The following GALNTL6 variants were observed in gnomAD, a reference collection of about 807,000 sequenced individuals.
GALNTL6 encodes the protein polypeptide N-acetylgalactosaminyltransferase like 6.
Under a neutral mutation model 73.7 loss-of-function variants are expected in GALNTL6, and 46 were observed. That is an observed-to-expected ratio of 0.62 (90% CI 0.49 to 0.80). GALNTL6 has a LOEUF of 0.80. GALNTL6 is among the 30% of genes least tolerant of loss of function. The probability of loss-of-function intolerance (pLI) is 0.00; values close to 1 mark genes in which losing one functional copy is unlikely to be tolerated. For missense variants in GALNTL6, 604 were observed against 755.0 expected (o/e 0.80, Z 2.34); for synonymous variants, 259 against 263.7 (o/e 0.98, Z 0.17).
intron 5 of GALNTL6, among the ~76,000 whole-genome samples, chr4:172,479,157 T>C (rs1733348119): frequency 6.6e-6 from 1 of 152,174 alleles, no homozygotes; most frequent in South Asian, 2.1e-4. Context: ...GGAATCCCAC[T>C]ACTAAGTATC....
chr4:171,921,275 T>A (rs538489011), intron 2 of GALNTL6, among the ~76,000 whole-genome samples: 1 of 152,128 alleles, frequency 6.6e-6, no homozygotes, highest in Non-Finnish European at 1.5e-5. Context: ...TTACTGACTA[T>A]GTGTCGACCA....
intron 5 of GALNTL6, among the ~76,000 whole-genome samples, chr4:172,558,365 A>G (rs759493635): frequency 1.3e-5 from 2 of 152,222 alleles, no homozygotes; most frequent in Non-Finnish European, 2.9e-5. Flanking sequence ...TCTAAACCCC[A>G]CTGTGACTAT....
At chr4:172,668,490 T>C (rs985640812) in intron 5 of GALNTL6, 3 of 152,160 alleles carry the variant, frequency 2.0e-5, no homozygotes, top group Non-Finnish European at 4.4e-5. Flanking sequence ...AGAGGTTTAA[T>C]TTAAAAGCTG....
intron 7 of GALNTL6, among the ~76,000 whole-genome samples, chr4:172,881,968 T>C (rs1745476510): frequency 6.6e-6 from 1 of 151,640 alleles, no homozygotes; most frequent in South Asian, 2.1e-4. Context: ...TGAGGATCGA[T>C]CAAGGTAATT....
At chr4:172,214,377 T>A (rs1343077831) in intron 2 of GALNTL6, among the ~76,000 whole-genome samples, 1 of 152,182 alleles carries the variant, frequency 6.6e-6, no homozygotes, top group East Asian at 1.9e-4. Context: ...CTCTATTTTT[T>A]TTTCTTGGAT....
chr4:172,921,438 A>G (rs1747784114), intron 8 of GALNTL6, among the ~76,000 whole-genome samples: 1 of 152,182 alleles, frequency 6.6e-6, no homozygotes, highest in South Asian at 2.1e-4. Flanking sequence ...GATATAGAAA[A>G]TTGTTTTAAA....
intron 9 of GALNTL6, among the ~76,000 whole-genome samples, chr4:172,944,884 C>T (rs1157229846): frequency 1.3e-5 from 2 of 151,580 alleles, no homozygotes; most frequent in Non-Finnish European, 2.9e-5. Context: ...GGTGAAACCC[C>T]GTCTCTACTA....
At chr4:172,814,855 G>A (rs557233506) in intron 7 of GALNTL6, among the ~76,000 whole-genome samples, 2 of 152,218 alleles carry the variant, frequency 1.3e-5, no homozygotes, top group South Asian at 2.1e-4. Context: ...GAGAGAAGTC[G>A]TTTCTTTTGT....
At chr4:172,618,505 G>C (rs76308808) in intron 5 of GALNTL6, among the ~76,000 whole-genome samples, 1 of 152,108 alleles carries the variant, frequency 6.6e-6, no homozygotes, top group African/African-American at 2.4e-5. Flanking sequence ...ATTTAGTAAA[G>C]AGAGAAATTC....
At chr4:172,927,881 C>T (rs1432745872) in intron 8 of GALNTL6, among the ~76,000 whole-genome samples, 1 of 151,998 alleles carries the variant, frequency 6.6e-6, no homozygotes, top group East Asian at 1.9e-4. Flanking sequence ...CATAAGCCCA[C>T]CCTAATTCAA....
intron 5 of GALNTL6, among the ~76,000 whole-genome samples, chr4:172,357,634 T>TACAC (rs5864129): frequency 0.016 from 2,309 of 145,794 alleles, 71 homozygotes; most frequent in African/African-American, 0.047. Flanking sequence ...TATAGATATA[T>TACAC]ACACACACAC....
At chr4:172,563,760 G>A (rs988629553) in intron 5 of GALNTL6, among the ~76,000 whole-genome samples, 2 of 152,182 alleles carry the variant, frequency 1.3e-5, no homozygotes, top group African/African-American at 4.8e-5. Context: ...AGAGTTCTAG[G>A]TCTGTCCATT....
intron 2 of GALNTL6, among the ~76,000 whole-genome samples, chr4:172,181,066 G>A (rs191528666): frequency 4.6e-5 from 7 of 152,100 alleles, no homozygotes; most frequent in South Asian, 2.1e-4. Flanking sequence ...GACCATTTTC[G>A]TCATATTGTT....
intron 5 of GALNTL6, among the ~76,000 whole-genome samples, chr4:172,467,820 TTCTTTCTTTCTTTCTTTC>T (rs1732881203): frequency 7.0e-6 from 1 of 142,388 alleles, no homozygotes; most frequent in African/African-American, 2.7e-5. Flanking sequence ...CTTTCTTTCT[TTCTTTCTTTCTTTCTTTC>T]TTTCTTTCTT....
intron 5 of GALNTL6, among the ~76,000 whole-genome samples, chr4:172,478,780 C>G (rs532399386): frequency 1.1e-4 from 16 of 152,040 alleles, no homozygotes; most frequent in South Asian, 2.1e-4. Flanking sequence ...ATATCCAGAA[C>G]CTATAAGGAA....
At chr4:172,995,751 T>G (rs138866876) in intron 10 of GALNTL6, among the ~76,000 whole-genome samples, 1 of 152,230 alleles carries the variant, frequency 6.6e-6, no homozygotes, top group Non-Finnish European at 1.5e-5. Flanking sequence ...AAGTTACTTC[T>G]TATAACTGTT....
intron 2 of GALNTL6, among the ~76,000 whole-genome samples, chr4:171,918,219 G>A (rs1737682649): frequency 6.6e-6 from 1 of 151,958 alleles, no homozygotes; most frequent in African/African-American, 2.4e-5. Context: ...ATATACATGA[G>A]AATAAAAATG....
chr4:172,438,552 A>G (rs1052234495), intron 5 of GALNTL6, among the ~76,000 whole-genome samples: 3 of 152,024 alleles, frequency 2.0e-5, no homozygotes, highest in Non-Finnish European at 4.4e-5. Flanking sequence ...CTCAACCGTT[A>G]TGACCTTCCC....
At position 171,816,612 on chromosome 4, in the gene GALNTL6, A is replaced by C. The variant is rs113913155; in HGVS notation, c.138+1894A>C. On this transcript the variant is annotated intron_variant, in intron 2 of 12. Coordinates refer to ENST00000506823, the MANE Select transcript of GALNTL6 (RefSeq NM_001034845.3). ...TTTGAAACCAAGTGGGGAAGAAAAT[A>C]AGCCCCAAAATGAATGTCAGTCATC... Among the ~76,000 whole-genome samples the C allele has an allele frequency of 7.1e-3, 1,081 of 152,158 alleles. 9 individuals are homozygous for C. Among genetic ancestry groups the C allele is most frequent in the African/African-American group, 0.024 (1,007 of 41,564 alleles).
Sources: allele counts gnomAD v4.1 joint callset (sites outside exome capture counted in the v4.1 genomes callset), GRCh38; gene constraint gnomAD v4.1.1; transcripts MANE v1.5; gene names NCBI Gene and HGNC (gene_info 2026-07-23, HGNC 2026-07-21).